NAALADL2: variants seen among roughly 807,000 people sequenced by gnomAD.
NAALADL2 encodes inactive N-acetylated-alpha-linked acidic dipeptidase-like protein 2.
NAALADL2 carries 76 observed loss-of-function variants against 87.2 expected under a neutral mutation model. The observed-to-expected ratio is 0.87, with a 90% CI of 0.72 to 1.05. The LOEUF (loss-of-function observed/expected upper bound fraction) is 1.05, where lower values mean the gene tolerates loss of function less well. Ranked by LOEUF, NAALADL2 falls within the 50% of genes least tolerant of loss-of-function variation. The pLI is 0.00. For synonymous variants in NAALADL2, 354 were observed against 331.0 expected (o/e 1.07, Z -0.75); for missense variants, 1,089 against 945.8 (o/e 1.15, Z -1.99).
chr3:175,444,711 G>T (rs1190184316), intron 5 of NAALADL2, among the ~76,000 whole-genome samples: 1 of 152,170 alleles, frequency 6.6e-6, no homozygotes, highest in Non-Finnish European at 1.5e-5. Flanking sequence ...GTGGTTCCAT[G>T]AATATGAAAA....
intron 1 of NAALADL2, among the ~76,000 whole-genome samples, chr3:174,917,404 A>G (rs561849563): frequency 2.0e-5 from 3 of 152,272 alleles, no homozygotes; most frequent in Admixed American, 1.3e-4. Flanking sequence ...ATTGAATGAC[A>G]TTGAACAAAG....
intron 2 of NAALADL2, among the ~76,000 whole-genome samples, chr3:174,586,332 A>G (rs1716718489): frequency 6.6e-6 from 1 of 152,242 alleles, no homozygotes; most frequent in Non-Finnish European, 1.5e-5. Flanking sequence ...AAATAAGGCC[A>G]CAATGAATAT....
chr3:174,957,211 G>T (rs986158082), intron 1 of NAALADL2, among the ~76,000 whole-genome samples: 1 of 151,966 alleles, frequency 6.6e-6, no homozygotes. Flanking sequence ...AGACTTCCTT[G>T]ATAGCCAGGA....
chr3:175,204,446 T>G (rs758455748), intron 2 of NAALADL2, among the ~76,000 whole-genome samples: 17 of 152,156 alleles, frequency 1.1e-4, no homozygotes, highest in Non-Finnish European at 1.8e-4. Flanking sequence ...TATCTTAATG[T>G]AATAAAATCC....
chr3:175,697,889 ATATG>A (rs1738137655), intron 11 of NAALADL2, among the ~76,000 whole-genome samples: 2 of 79,190 alleles, frequency 2.5e-5, no homozygotes, highest in Admixed American at 2.7e-4. Context: ...ATATGTGTAT[ATATG>A]TATGTATACA....
At chr3:175,294,375 A>T (rs1756048085) in intron 4 of NAALADL2, among the ~76,000 whole-genome samples, 1 of 151,472 alleles carries the variant, frequency 6.6e-6, no homozygotes, top group Non-Finnish European at 1.5e-5. Context: ...AAAAAAAAGG[A>T]TAAATAAGGC....
chr3:174,459,549 T>A (rs1716063741), intron 1 of NAALADL2: 1 of 152,214 alleles, frequency 6.6e-6, no homozygotes, highest in South Asian at 2.1e-4. Context: ...ATTCTGGAAG[T>A]CTGCACTGGA....
At chr3:174,703,415 T>C (rs1729749161) in intron 2 of NAALADL2, among the ~76,000 whole-genome samples, 1 of 151,292 alleles carries the variant, frequency 6.6e-6, no homozygotes, top group African/African-American at 2.4e-5. Context: ...GGAGCAGCAA[T>C]ATTTAAGTTT....
chr3:174,652,546 C>CT lies in NAALADL2; in HGVS notation c.-114-85092dup, dbSNP rs968966717. 2.6e-4 allele frequency among the ~76,000 whole-genome samples: 39 copies of CT among 152,192 alleles called. 1 individual carries two copies. Among genetic ancestry groups the CT allele is most frequent in the African/African-American group, 9.4e-4 (39 of 41,528 alleles). ...AGAGACTGTGTGCAGGGGAACTGCC[C>CT]TTTATAAAGCCATCAGATCTCGTGA... On this transcript the variant is annotated intron_variant, in intron 2 of 3. Transcript: ENST00000434257.
chr3:175,723,450 G>A (rs556521269), intron 11 of NAALADL2, among the ~76,000 whole-genome samples: 2 of 152,216 alleles, frequency 1.3e-5, no homozygotes, highest in South Asian at 4.1e-4. Context: ...TAAACATTTA[G>A]ATATTATACT....
intron 2 of NAALADL2, among the ~76,000 whole-genome samples, chr3:174,642,777 TATATATATATATG>T (rs1236727094): frequency 1.4e-5 from 1 of 73,238 alleles, no homozygotes; most frequent in Non-Finnish European, 2.4e-5. Context: ...TATATATATA[TATATATATATATG>T]TTTTTTTTCA....
intron 1 of NAALADL2, among the ~76,000 whole-genome samples, chr3:174,948,469 G>A (rs1350480729): frequency 8.5e-5 from 13 of 152,134 alleles, no homozygotes; most frequent in Non-Finnish European, 7.3e-5. Flanking sequence ...GAGCCACCAC[G>A]CCTGGCAAGA....
chr3:174,659,346 A>G (rs990487654), intron 2 of NAALADL2, among the ~76,000 whole-genome samples: 2 of 152,230 alleles, frequency 1.3e-5, no homozygotes, highest in Non-Finnish European at 2.9e-5. Context: ...CTGTATGAAT[A>G]TATTAGAAAT....
At chr3:174,799,195 G>A (rs1718508921) in intron 3 of NAALADL2, among the ~76,000 whole-genome samples, 2 of 151,882 alleles carry the variant, frequency 1.3e-5, no homozygotes, top group South Asian at 4.2e-4. Context: ...ATTATTTTGT[G>A]TGTTGTTTTG....
chr3:174,882,683 G>GTGTATA (rs1729480272), intron 1 of NAALADL2, among the ~76,000 whole-genome samples: 1 of 128,452 alleles, frequency 7.8e-6, no homozygotes. Context: ...ATGTGTATAT[G>GTGTATA]TGTATCCGTG....
chr3:175,796,956 T>C (rs1017278870), intron 13 of NAALADL2, among the ~76,000 whole-genome samples: 1 of 150,700 alleles, frequency 6.6e-6, no homozygotes, highest in Non-Finnish European at 1.5e-5. Context: ...TTTTTTTTTT[T>C]CAGTTTTCTT....
intron 4 of NAALADL2, among the ~76,000 whole-genome samples, chr3:175,319,690 C>T (rs140259490): frequency 9.2e-5 from 14 of 152,168 alleles, no homozygotes; most frequent in Admixed American, 2.6e-4. Flanking sequence ...CATGGTGGTG[C>T]GCGCCTGTAA....
intron 1 of NAALADL2, among the ~76,000 whole-genome samples, chr3:174,901,987 A>G (rs1732371230): frequency 1.3e-5 from 2 of 152,072 alleles, no homozygotes; most frequent in African/African-American, 4.8e-5. Flanking sequence ...GAATGATGCA[A>G]TTTGTCTCTA....
intron 6 of NAALADL2, among the ~76,000 whole-genome samples, chr3:175,458,376 G>A (rs17599659): frequency 0.015 from 2,301 of 150,538 alleles, 31 homozygotes; most frequent in Non-Finnish European, 0.023. Context: ...ATATGCATGG[G>A]TGTTATACAC....
Sources: allele counts gnomAD v4.1 joint callset (sites outside exome capture counted in the v4.1 genomes callset), GRCh38; gene constraint gnomAD v4.1.1; transcripts MANE v1.5; gene names NCBI Gene and HGNC (gene_info 2026-07-23, HGNC 2026-07-21).